Variants in MAML2 observed in about 807,000 individuals in gnomAD.
The protein encoded by MAML2 is mastermind like transcriptional coactivator 2.
In MAML2, 22 loss-of-function variants were observed where a neutral mutation model predicts 96.1. The observed-to-expected ratio is 0.23, with a 90% CI of 0.16 to 0.33. The LOEUF is 0.33. MAML2 is among the 10% of genes least tolerant of loss of function. MAML2 has a pLI of 1.00. For missense variants in MAML2, 1,367 were observed against 1,392.4 expected (o/e 0.98, Z 0.29); for synonymous variants, 561 against 521.3 (o/e 1.08, Z -1.04).
chr11:96,127,015 T>TTCTA (rs1860451078), intron 1 of MAML2, among the ~76,000 whole-genome samples: 1 of 152,202 alleles, frequency 6.6e-6, no homozygotes, highest in South Asian at 2.1e-4. Flanking sequence ...TCATCACTTG[T>TTCTA]TGACCCGGTG....
chr11:96,177,185 C>T (rs4434962), intron 1 of MAML2, among the ~76,000 whole-genome samples: 102,076 of 152,080 alleles, frequency 0.67, 35,529 homozygotes, highest in Middle Eastern at 0.85. Context: ...CACCCCCAAA[C>T]TGCATGGTGT....
At chr11:96,307,895 A>G (rs1863486553) in intron 1 of MAML2, among the ~76,000 whole-genome samples, 1 of 152,170 alleles carries the variant, frequency 6.6e-6, no homozygotes, top group African/African-American at 2.4e-5. Flanking sequence ...TAGTGAACCC[A>G]AGGGAATGAA....
chr11:95,995,780 C>A (rs1293243736), intron 2 of MAML2, among the ~76,000 whole-genome samples: 4 of 152,088 alleles, frequency 2.6e-5, no homozygotes, highest in Admixed American at 2.6e-4. Context: ...CTTTATTATA[C>A]CCACCCATTT....
At chr11:96,100,987 C>T (rs1373022523) in intron 1 of MAML2, among the ~76,000 whole-genome samples, 2 of 152,026 alleles carry the variant, frequency 1.3e-5, no homozygotes, top group African/African-American at 2.4e-5. Context: ...CTCAAGGTGT[C>T]CTCCTGCCTT....
intron 3 of MAML2, among the ~76,000 whole-genome samples, chr11:95,990,041 C>A (rs1279807002): frequency 6.6e-6 from 1 of 152,174 alleles, no homozygotes; most frequent in African/African-American, 2.4e-5. Flanking sequence ...TATCAGAATC[C>A]TACAGTCCTT....
chr11:96,003,864 C>T (rs1389104915), intron 2 of MAML2, among the ~76,000 whole-genome samples: 1 of 152,042 alleles, frequency 6.6e-6, no homozygotes, highest in Admixed American at 6.6e-5. Flanking sequence ...GTGATGGTAG[C>T]ATAGTATTTA....
chr11:96,337,254 A>G (rs547341949), intron 1 of MAML2, among the ~76,000 whole-genome samples: 21 of 152,312 alleles, frequency 1.4e-4, no homozygotes, highest in African/African-American at 5.1e-4. Flanking sequence ...TCCTAGGAGG[A>G]CATTTATCAT....
chr11:96,278,936 T>A (rs528429562), intron 1 of MAML2, among the ~76,000 whole-genome samples: 1 of 152,284 alleles, frequency 6.6e-6, no homozygotes, highest in East Asian at 1.9e-4. Flanking sequence ...GCTAACATTG[T>A]GGCAGTGGCA....
chr11:96,301,129 T>A (rs1863381407), intron 1 of MAML2, among the ~76,000 whole-genome samples: 1 of 152,230 alleles, frequency 6.6e-6, no homozygotes, highest in African/African-American at 2.4e-5. Flanking sequence ...GGGTCTCATG[T>A]ATTGTTAGGA....
intron 1 of MAML2, among the ~76,000 whole-genome samples, chr11:96,244,427 T>C (rs1001418378): frequency 1.3e-5 from 2 of 152,254 alleles, no homozygotes; most frequent in African/African-American, 4.8e-5. Flanking sequence ...GCTTAAACTC[T>C]AATGATTAGA....
intron 2 of MAML2, among the ~76,000 whole-genome samples, chr11:96,018,343 A>G (rs2135734370): frequency 6.6e-6 from 1 of 152,310 alleles, no homozygotes; most frequent in East Asian, 1.9e-4. Context: ...TCTGGAGTTC[A>G]GGAGAGAAAT....
rs1864020448 is a variant in MAML2 at position 96,342,928 on chromosome 11, C to T, written c.-1033G>A. On this transcript the variant is annotated 5_prime_UTR_variant, in exon 1 of 5. Transcript: ENST00000524717. The stretch of plus-strand genomic sequence containing the variant: ...CTTACAAACTTCCAGCAAATTGCAC[C>T]GAGTCATGTCCAGCCACTTTTCTGT... 2.6e-6 allele frequency: 1 copy of T among 378,912 alleles called. No homozygotes were observed. 23.5% of individuals were successfully genotyped at this position (378,912 alleles called of 1,614,324 possible).
chr11:96,313,127 T>C (rs1863568409), intron 1 of MAML2, among the ~76,000 whole-genome samples: 1 of 152,204 alleles, frequency 6.6e-6, no homozygotes, highest in Non-Finnish European at 1.5e-5. Flanking sequence ...TTATCCCTCT[T>C]GCACATGTGA....
chr11:96,288,968 A>G (rs1269804058), intron 1 of MAML2, among the ~76,000 whole-genome samples: 2 of 152,222 alleles, frequency 1.3e-5, no homozygotes, highest in Non-Finnish European at 2.9e-5. Flanking sequence ...TTCCAATTAC[A>G]TGGCTATCGC....
At chr11:96,115,032 A>T (rs779875025) in intron 1 of MAML2, among the ~76,000 whole-genome samples, 10 of 152,154 alleles carry the variant, frequency 6.6e-5, no homozygotes, top group Non-Finnish European at 1.5e-4. Context: ...AGGAGAGGAC[A>T]CGGAAGTTCA....
At chr11:96,067,274 T>C (rs7933357) in intron 2 of MAML2, among the ~76,000 whole-genome samples, 152,349 of 152,352 alleles carry the variant, frequency 1, 76,173 homozygotes, top group Non-Finnish European at 1. Context: ...AGAATCAATG[T>C]TCATCTGTCC....
intron 1 of MAML2, among the ~76,000 whole-genome samples, chr11:96,118,861 C>A (rs1462793153): frequency 6.6e-6 from 1 of 151,222 alleles, no homozygotes; most frequent in Non-Finnish European, 1.5e-5. Context: ...AAAAAAAATT[C>A]TTTTTTTTTC....
intron 2 of MAML2, among the ~76,000 whole-genome samples, chr11:96,039,435 G>A (rs1269921602): frequency 1.3e-5 from 2 of 150,990 alleles, no homozygotes; most frequent in Non-Finnish European, 3.0e-5. Flanking sequence ...GGAGAGGAGG[G>A]AACAGAAAAG....
chr11:96,024,631 G>A (rs917163309), intron 2 of MAML2, among the ~76,000 whole-genome samples: 7 of 152,184 alleles, frequency 4.6e-5, no homozygotes, highest in African/African-American at 1.4e-4. Context: ...GTTTCCTACT[G>A]AGTAGAGTAA....
Sources: allele counts gnomAD v4.1 joint callset (sites outside exome capture counted in the v4.1 genomes callset), GRCh38; gene constraint gnomAD v4.1.1; transcripts MANE v1.5; gene names NCBI Gene and HGNC (gene_info 2026-07-23, HGNC 2026-07-21).